Variants in FKBP6 observed in about 807,000 individuals in gnomAD.
FKBP6 encodes FKBP prolyl isomerase family member 6 (inactive).
In FKBP6, 29 loss-of-function variants were observed where a neutral mutation model predicts 41.7. The ratio of observed to expected loss-of-function variants is 0.70; its 90% CI spans 0.52 to 0.95. The LOEUF (loss-of-function observed/expected upper bound fraction) is 0.95. FKBP6 is among the 40% of genes least tolerant of loss of function. The pLI, the probability that FKBP6 is intolerant of heterozygous loss-of-function variation, is 0.00. For missense variants in FKBP6, 338 were observed against 408.7 expected (o/e 0.83, Z 1.49); for synonymous variants, 130 against 165.1 (o/e 0.79, Z 1.63).
chr7:73,340,919 T>TC (rs1390376825), intron 6 of FKBP6, 87 bp downstream of exon 6: 3 of 252,772 alleles, frequency 1.2e-5, no homozygotes, highest in African/African-American at 7.7e-5. Flanking sequence ...AATGCTGTCT[T>TC]TTTTTTTTTT....
chr7:73,356,020 C>T lies in FKBP6; in HGVS notation c.*3-2161C>T, dbSNP rs886934412. On this transcript the variant is annotated intron_variant, in intron 8 of 8. Coordinates refer to ENST00000252037, the MANE Select transcript of FKBP6 (RefSeq NM_003602.5). ...GGCGGAGCTTGCAGACAGCAGAGAT[C>T]GTGCCACTGCACTCCAGCCTGGGCG... 6.9e-5 allele frequency among the ~76,000 whole-genome samples: 9 copies of T among 131,214 alleles called. No individual in the cohort carries two copies. The South Asian group carries it at 1.5e-3, about 22-fold the overall frequency. 86.1% of individuals were successfully genotyped at this position (131,214 alleles called of 152,430 possible). A position where few individuals can be genotyped will look rare whatever the true frequency, so the allele number is the denominator to read the frequency against.
Position 73,328,404 on chromosome 7 carries a change from A to G in FKBP6, c.-25A>G. The stretch of plus-strand genomic sequence containing the variant: ...GCGGGGCGCACCAGGCCGAAGGCTC[A>G]CGCCACAGGGAGGGCAGCTAGGACA... On this transcript the variant is annotated 5_prime_UTR_variant, in exon 1 of 9. Transcript: ENST00000252037. The G allele has an allele frequency of 6.4e-7, 1 of 1,568,328 alleles. No homozygotes were observed. Among genetic ancestry groups the G allele is most frequent in the Non-Finnish European group, 8.6e-7 (1 of 1,157,380 alleles).
rs1181686286 is a variant in FKBP6, at chr7:73,358,342, GT to G, written c.*165del. ...ACGCGGCTGAAACGTGTTTTCACAGGTGCTGTTTTCTGTTTTCCGTGTTCGT... is the reference window on the plus strand; with the variant it reads ...ACGCGGCTGAAACGTGTTTTCACAGGGCTGTTTTCTGTTTTCCGTGTTCGT... On this transcript the variant is annotated 3_prime_UTR_variant, in exon 9 of 9. Coordinates refer to ENST00000252037, the MANE Select transcript of FKBP6 (RefSeq NM_003602.5). 2 of 152,276 alleles carry G rather than the reference GT, an allele frequency of 1.3e-5. No homozygotes were observed. Among genetic ancestry groups the G allele is most frequent in the African/African-American group, 4.8e-5 (2 of 41,438 alleles). The allele number at this position is 152,276 out of a possible 1,614,324, so 9.4% of individuals were successfully genotyped here.
At chr7:73,349,712 CAAAAAAAAAAAAA>C (rs1213747722) in intron 8 of FKBP6, among the ~76,000 whole-genome samples, 3 of 27,858 alleles carry the variant, frequency 1.1e-4, no homozygotes, top group South Asian at 1.2e-3. Context: ...GACTCCGTCT[CAAAAAAAAAAAAA>C]AAAAAAAAAA....
chr7:73,346,193 G>T (rs1016535959), intron 8 of FKBP6, among the ~76,000 whole-genome samples: 6 of 152,352 alleles, frequency 3.9e-5, no homozygotes, highest in Middle Eastern at 3.4e-3. Context: ...AGGAATGGCT[G>T]CCAGAGGAAA....
intron 8 of FKBP6, among the ~76,000 whole-genome samples, chr7:73,346,395 A>C (rs1261476007): frequency 1.3e-5 from 2 of 152,192 alleles, no homozygotes; most frequent in Admixed American, 1.3e-4. Flanking sequence ...GGACAACAAG[A>C]TAAGTCCATT....
rs186487082 is a variant in FKBP6 at position 73,348,101 on chromosome 7, G to A, written c.*2+5202G>A. Among the ~76,000 whole-genome samples the A allele has an allele frequency of 7.3e-3, 1,117 of 152,232 alleles. 17 individuals are homozygous for A. Among genetic ancestry groups the A allele is most frequent in the African/African-American group, 0.025 (1,036 of 41,534 alleles). On this transcript the variant is annotated intron_variant, in intron 8 of 8. Coordinates refer to ENST00000252037, the MANE Select transcript of FKBP6 (RefSeq NM_003602.5). ...CTATTTCTTAAATCACGTCTTCCTC[G>A]TTATTCCCTGTCATCTTGTTATGGG...
intron 7 of FKBP6, among the ~76,000 whole-genome samples, chr7:73,341,999 T>C (rs1460383907): frequency 6.6e-6 from 1 of 151,716 alleles, no homozygotes; most frequent in Non-Finnish European, 1.5e-5. Context: ...TCTGGTGCGC[T>C]CTTCCCTGCG....
chr7:73,350,495 C>T (rs566863065), intron 8 of FKBP6, among the ~76,000 whole-genome samples: 26 of 152,220 alleles, frequency 1.7e-4, no homozygotes, highest in African/African-American at 5.8e-4. Context: ...CCCGAAGCGG[C>T]CATGCACTTT....
intron 8 of FKBP6, among the ~76,000 whole-genome samples, chr7:73,343,618 G>A (rs928149145): frequency 2.0e-5 from 3 of 152,094 alleles, no homozygotes; most frequent in African/African-American, 7.2e-5. Flanking sequence ...AACAGGGAGC[G>A]GAATATAGCA....
intron 8 of FKBP6, among the ~76,000 whole-genome samples, chr7:73,351,318 C>A (rs1229652773): frequency 2.0e-5 from 3 of 152,220 alleles, no homozygotes; most frequent in African/African-American, 7.2e-5. Context: ...GCGTGAGCCA[C>A]CGCACCTGGC....
intron 2 of FKBP6, among the ~76,000 whole-genome samples, chr7:73,329,138 T>C (rs1314573121): frequency 2.0e-5 from 3 of 152,084 alleles, no homozygotes; most frequent in East Asian, 3.9e-4. Flanking sequence ...AGCTAGGGAC[T>C]CCTATGTCCC....
intron 8 of FKBP6, among the ~76,000 whole-genome samples, chr7:73,346,243 C>A (rs1220253849): frequency 6.6e-6 from 1 of 152,200 alleles, no homozygotes; most frequent in Non-Finnish European, 1.5e-5. Flanking sequence ...CCCTGCCCCG[C>A]GTGGCCCGCC....
At chr7:73,329,515 AG>A in intron 3 of FKBP6, 66 bp downstream of exon 3, 4 of 998,138 alleles carry the variant, frequency 4.0e-6, no homozygotes, top group Non-Finnish European at 6.5e-6. Flanking sequence ...ACGATGCCTC[AG>A]GCTGGGAAGA....
chr7:73,350,995 G>A (rs1211019638), intron 8 of FKBP6, among the ~76,000 whole-genome samples: 1 of 152,220 alleles, frequency 6.6e-6, no homozygotes, highest in Non-Finnish European at 1.5e-5. Context: ...CTAGTGGTGA[G>A]TCTCTCAAAG....
intron 8 of FKBP6, among the ~76,000 whole-genome samples, chr7:73,346,933 G>T (rs1198351269): frequency 1.3e-5 from 2 of 152,158 alleles, no homozygotes; most frequent in African/African-American, 4.8e-5. Flanking sequence ...ACAGAGGTGG[G>T]TGGGCAGAGG....
intron 8 of FKBP6, among the ~76,000 whole-genome samples, chr7:73,349,075 A>T (rs1303823413): frequency 6.6e-6 from 1 of 151,958 alleles, no homozygotes; most frequent in Admixed American, 6.6e-5. Context: ...ACTGCACTCC[A>T]GTCTGGGTGA....
At chr7:73,341,576 A>G (rs1368080542) in intron 7 of FKBP6, among the ~76,000 whole-genome samples, 194 bp downstream of exon 7, 4 of 151,724 alleles carry the variant, frequency 2.6e-5, no homozygotes, top group African/African-American at 9.7e-5. Flanking sequence ...GGTGAGACAG[A>G]CTGCCAGACT....
chr7:73,336,359 T>C (rs782163243), intron 5 of FKBP6, among the ~76,000 whole-genome samples: 2 of 152,112 alleles, frequency 1.3e-5, no homozygotes, highest in Non-Finnish European at 2.9e-5. Context: ...ATAGGTTACA[T>C]CTAAGGAATC....
Sources: allele counts gnomAD v4.1 joint callset (sites outside exome capture counted in the v4.1 genomes callset), GRCh38; gene constraint gnomAD v4.1.1; transcripts MANE v1.5; gene names NCBI Gene and HGNC (gene_info 2026-07-23, HGNC 2026-07-21).